The following PLEKHA4 variants were observed in gnomAD, a reference collection of about 807,000 sequenced individuals.
The protein encoded by PLEKHA4 is pleckstrin homology domain containing A4, also known as pleckstrin homology domain-containing family A member 4.
Under a neutral mutation model 94.7 loss-of-function variants are expected in PLEKHA4, and 73 were observed. The ratio of observed to expected loss-of-function variants is 0.77; its 90% CI spans 0.64 to 0.94. The LOEUF (loss-of-function observed/expected upper bound fraction) is 0.94. PLEKHA4 is among the 40% of genes least tolerant of loss of function. PLEKHA4 has a pLI of 0.00. For missense variants in PLEKHA4, 1,049 were observed against 1,054.1 expected (o/e 1.00, Z 0.07); for synonymous variants, 449 against 437.1 (o/e 1.03, Z -0.34).
chr19:48,837,418 T>C lies in PLEKHA4; in HGVS notation c.2211A>G (p.Arg737=). 6.2e-7 allele frequency: 1 copy of C among 1,613,200 alleles called. No homozygotes were observed. Among genetic ancestry groups the C allele is most frequent in the Non-Finnish European group, 8.5e-7 (1 of 1,179,710 alleles). ...TGGGACCTCCTCCACGCCCACTCCC[T>C]CGGCGAGAGAACCCCGTGGAACCCG... ...ANSGSTGFSR[R]GSGRGGGPTP... is the part of the protein sequence containing the mutation. Residue 737 remains arginine (R), a synonymous_variant, in exon 20 of 20, where the codon CGA becomes CGG. Transcript: ENST00000263265. The surrounding 1 kb of genome is among the most constrained non-coding windows in gnomAD (Gnocchi z 4.3).
At chr19:48,840,110 A>C (rs2035704031) in intron 17 of PLEKHA4, among the ~76,000 whole-genome samples, 1 of 151,968 alleles carries the variant, frequency 6.6e-6, no homozygotes. Flanking sequence ...TCTGTCTCAA[A>C]AAAAGAAAAA....
rs751128198 is a variant in PLEKHA4, at chr19:48,861,485, A to G, written c.282T>C (p.Ser94=). 3.7e-6 allele frequency: 6 copies of G among 1,613,560 alleles called. No individual in the cohort carries two copies. The highest frequency in any genetic ancestry group is 3.3e-5 in the Admixed American group (2 of 59,908). Residue 94 remains serine, a synonymous_variant, in exon 5 of 20, where the codon AGT becomes AGC. Coordinates refer to ENST00000263265, the MANE Select transcript of PLEKHA4 (RefSeq NM_020904.3). The part of the protein sequence containing the change: ...LFYYKDSREE[S]VLGSVLLPSY... Reference sequence around the variant, plus strand: ...TGGGGAGCAGGACGCTGCCTAGGACACTCTCCTCGCGGCTGTCTGCAAAGA... The same window carrying G: ...TGGGGAGCAGGACGCTGCCTAGGACGCTCTCCTCGCGGCTGTCTGCAAAGA...
rs1283010396 is a variant in PLEKHA4 at position 48,847,999 on chromosome 19, G to A, written c.1467C>T (p.Asp489=). 6.2e-7 allele frequency: 1 copy of A among 1,613,708 alleles called. No individual in the cohort carries two copies. Among genetic ancestry groups the A allele is most frequent in the East Asian group, 2.2e-5 (1 of 44,868 alleles). The part of the protein sequence containing the change: ...SAQQQLWMVE[D]TLAGLGGPQK... Reference sequence around the variant, plus strand: ...GGGGGCCACCCAGACCTGCCAGCGTGTCTTCCACCATCCACAGCTGCTGCT... The same window carrying A: ...GGGGGCCACCCAGACCTGCCAGCGTATCTTCCACCATCCACAGCTGCTGCT... The change falls in exon 14 of 20, where the codon GAC becomes GAT. Residue 489 remains aspartate (D), a synonymous_variant. Transcript: ENST00000263265.
rs2035757027 is a variant in PLEKHA4 at position 48,841,288 on chromosome 19, A to C, written c.1766T>G (p.Met589Arg). 1.2e-6 allele frequency: 2 copies of C among 1,612,116 alleles called. No homozygotes were observed. Among genetic ancestry groups the C allele is most frequent in the Non-Finnish European group, 1.7e-6 (2 of 1,179,252 alleles). Reference protein sequence around the residue: ...GTKAPVARPRMSAQEQLERMR... With the variant: ...GTKAPVARPRRSAQEQLERMR... ...CCGCTCCAGCTGCTCCTGGGCACTC[A>C]TCCGGGGCCGGGCCACCGGGGCCTA... Residue 589 changes from methionine to arginine, a missense_variant, in exon 17 of 20, where the codon ATG becomes AGG. Physicochemically the swap from Met to Arg is moderately conservative, Grantham distance 91. Transcript: ENST00000263265.
At chr19:48,847,777 G>C (rs1167307630) in intron 14 of PLEKHA4, 123 bp downstream of exon 14, 1 of 1,173,824 alleles carries the variant, frequency 8.5e-7, no homozygotes, top group Non-Finnish European at 1.1e-6. Context: ...CCAGAGGTTA[G>C]GACACTTGTA....
At chr19:48,840,424 C>CTT (rs113285383) in intron 17 of PLEKHA4, among the ~76,000 whole-genome samples, 88 of 130,870 alleles carry the variant, frequency 6.7e-4, no homozygotes, top group South Asian at 1.3e-3. Context: ...AAGAAAACAT[C>CTT]TTTTTTTTTT....
chr19:48,861,322 G>T, intron 5 of PLEKHA4, 79 bp downstream of exon 5: 1 of 1,207,312 alleles, frequency 8.3e-7, no homozygotes, highest in Non-Finnish European at 1.2e-6. Context: ...TTAGGACTTG[G>T]AGTTTCCTCG....
At chr19:48,857,630 C>G (rs1568548999) in intron 8 of PLEKHA4, 134 bp from the exon 9 acceptor site, 2 of 618,218 alleles carry the variant, frequency 3.2e-6, no homozygotes, top group Non-Finnish European at 5.8e-6. Flanking sequence ...ACCCTGTGCT[C>G]TCTGAAACAT....
At chr19:48,866,369 C>G (rs965451285) in intron 2 of PLEKHA4, among the ~76,000 whole-genome samples, 7 of 152,018 alleles carry the variant, frequency 4.6e-5, no homozygotes, top group African/African-American at 1.4e-4. Flanking sequence ...CACACTGGCA[C>G]CATCTTGGCT....
rs1454060625 is a variant in PLEKHA4, at chr19:48,859,080, G to A, written c.752C>T (p.Ala251Val). The change falls in exon 8 of 20, where the codon GCC becomes GTC. Residue 251 changes from alanine (A) to valine (V), a missense_variant. Transcript: ENST00000263265. ...SPLSLPRPRS[A>V]PARRPPAPSG... is the part of the protein sequence containing the mutation. ...GGGGGCAGGGGGTCGCCGCGCAGGG[G>A]CAGAACGGGGACGGGGGAGGCTCAG... The A allele has an allele frequency of 7.5e-7, 1 of 1,334,012 alleles. No homozygotes were observed. Among genetic ancestry groups the A allele is most frequent in the East Asian group, 3.5e-5 (1 of 28,868 alleles). The allele number at this position is 1,334,012 out of a possible 1,614,324, so 82.6% of individuals were successfully genotyped here.
chr19:48,843,347 T>C (rs1380903341), intron 16 of PLEKHA4, among the ~76,000 whole-genome samples: 1 of 151,800 alleles, frequency 6.6e-6, no homozygotes, highest in African/African-American at 2.4e-5. Context: ...CCTGGCTAAT[T>C]TTTTTGTATT....
chr19:48,856,673 G>A (rs1306116044), intron 9 of PLEKHA4, among the ~76,000 whole-genome samples: 4 of 151,730 alleles, frequency 2.6e-5, no homozygotes, highest in Non-Finnish European at 4.4e-5. Flanking sequence ...AACCGAGATC[G>A]CGCCACTGCA....
chr19:48,845,275 A>G (rs1358604654), intron 16 of PLEKHA4, 95 bp downstream of exon 16: 20 of 1,174,722 alleles, frequency 1.7e-5, no homozygotes, highest in African/African-American at 6.1e-5. Context: ...TGCTCTGAGT[A>G]TGGCCTTAGA....
intron 18 of PLEKHA4, 90 bp from the exon 19 acceptor site, chr19:48,838,219 A>G: frequency 1.4e-6 from 1 of 702,508 alleles, no homozygotes; most frequent in Non-Finnish European, 2.5e-6. Flanking sequence ...AAGGATGAAT[A>G]AGACCTACTA....
Position 48,861,645 on chromosome 19 carries a change from G to A in PLEKHA4, c.240C>T (p.Ser80=), listed in dbSNP as rs142396397. The part of the protein sequence containing the change: ...RLWKRRWFVL[S]GHCLFYYKDS... The stretch of plus-strand genomic sequence containing the variant: ...CCTTGTAATAAAAGAGGCAATGGCC[G>A]GAGAGGACGAACCAGCGGCGTTTCC... The change falls in exon 4 of 20, where the codon TCC becomes TCT. Residue 80 remains serine, a synonymous_variant. Transcript: ENST00000263265. 38 of 1,614,100 alleles carry A rather than the reference G, an allele frequency of 2.4e-5. No homozygotes were observed. The highest frequency in any genetic ancestry group is 8.0e-5 in the African/African-American group (6 of 74,944).
chr19:48,860,512 G>C (rs1286776141), intron 5 of PLEKHA4, 53 bp from the exon 6 acceptor site: 1 of 1,389,982 alleles, frequency 7.2e-7, no homozygotes, highest in African/African-American at 1.4e-5. Context: ...TAAAAAGGAG[G>C]ACAGGCCGGA....
At chr19:48,844,019 T>G (rs2035864408) in intron 16 of PLEKHA4, among the ~76,000 whole-genome samples, 1 of 151,958 alleles carries the variant, frequency 6.6e-6, no homozygotes, top group Admixed American at 6.6e-5. Context: ...CAGGCTGCTC[T>G]TGAACGCCTG....
intron 16 of PLEKHA4, 94 bp downstream of exon 16, chr19:48,845,276 T>C: frequency 8.4e-7 from 1 of 1,183,818 alleles, no homozygotes; most frequent in South Asian, 1.3e-5. Context: ...GCTCTGAGTA[T>C]GGCCTTAGAA....
intron 16 of PLEKHA4, 56 bp downstream of exon 16, chr19:48,845,314 G>T: frequency 6.5e-7 from 1 of 1,537,960 alleles, no homozygotes; most frequent in Non-Finnish European, 9.0e-7. Context: ...TTTCCCAGAA[G>T]TGTGGGGGTC....
Sources: gnomAD v4.1 joint callset for allele counts (sites outside exome capture counted in the v4.1 genomes callset) on GRCh38, gnomAD v4.1.1 for gene constraint, Gnocchi (gnomAD v3.1) non-coding constraint, MANE v1.5 for transcripts, NCBI Gene and HGNC (gene_info 2026-07-23, HGNC 2026-07-21) for gene names.